Variants in WDR75 observed in about 807,000 individuals in gnomAD.
The protein encoded by WDR75 is WD repeat domain 75.
A neutral mutation model predicts 106.1 loss-of-function variants in WDR75; 52 were observed. The ratio of observed to expected loss-of-function variants is 0.49; its 90% confidence interval spans 0.39 to 0.62. WDR75 has a LOEUF of 0.62. Among genes scored for constraint, WDR75 ranks in the 20% least tolerant of loss-of-function variants. WDR75 has a pLI of 0.00. For missense variants in WDR75, 905 were observed against 970.3 expected, an observed-to-expected ratio of 0.93 and a Z score of 0.89; for synonymous variants, 333 against 335.5, an observed-to-expected ratio of 0.99 and a Z score of 0.08.
intron 20 of WDR75, 63 bp downstream of exon 20, chr2:189,474,871 A>G: frequency 7.5e-7 from 1 of 1,339,332 alleles, no homozygotes; most frequent in Non-Finnish European, 1.1e-6. Context: ...GTTTGTGTTT[A>G]TCCTTTTTTA....
At chr2:189,454,572 A>AGG (rs1686694327) in intron 4 of WDR75, among the ~76,000 whole-genome samples, 4 of 151,152 alleles carry the variant, frequency 2.6e-5, no homozygotes, top group Admixed American at 2.0e-4. Flanking sequence ...CCCAGGCTGG[A>AGG]GTGCAGTGGC....
intron 2 of WDR75, chr2:189,450,103 G>C: frequency 6.3e-6 from 6 of 958,580 alleles, no homozygotes; most frequent in Non-Finnish European, 7.4e-6. Flanking sequence ...TAAGAGTACA[G>C]AATGTGAGTG....
intron 5 of WDR75, 70 bp from the exon 6 acceptor site, chr2:189,457,240 TC>T: frequency 9.4e-7 from 1 of 1,064,856 alleles, no homozygotes; most frequent in South Asian, 1.4e-5. Flanking sequence ...AGACTTTGTC[TC>T]AAAAAAAAAA....
At chr2:189,450,727 A>G (rs2106113987) in intron 2 of WDR75, 176 bp from the exon 3 acceptor site, 1 of 1,405,582 alleles carries the variant, frequency 7.1e-7, no homozygotes, top group Non-Finnish European at 9.1e-7. Flanking sequence ...TGCTTCTTGC[A>G]GAAAGCTGTG....
At chr2:189,456,083 T>C (rs972912932) in intron 5 of WDR75, among the ~76,000 whole-genome samples, 4 of 152,226 alleles carry the variant, frequency 2.6e-5, no homozygotes, top group Non-Finnish European at 5.9e-5. Flanking sequence ...TCTTAAGTTT[T>C]ATAGCATTAT....
At chr2:189,466,099 A>G (rs73978663) in intron 12 of WDR75, among the ~76,000 whole-genome samples, 47 of 152,238 alleles carry the variant, frequency 3.1e-4, no homozygotes, top group African/African-American at 1.1e-3. Flanking sequence ...TGGGTTCTAT[A>G]CAAGTTTCCT....
intron 11 of WDR75, 105 bp from the exon 12 acceptor site, chr2:189,464,974 C>T (rs1458043795): frequency 2.3e-6 from 2 of 872,844 alleles, no homozygotes; most frequent in Non-Finnish European, 1.7e-6. Context: ...CTATACAGTA[C>T]AGAAGTTGTC....
chr2:189,468,352 C>A, intron 14 of WDR75, 123 bp from the exon 15 acceptor site: 2 of 797,960 alleles, frequency 2.5e-6, no homozygotes, highest in South Asian at 1.9e-5. Context: ...TAATTATAAA[C>A]AAAAATATAT....
intron 4 of WDR75, 85 bp downstream of exon 4, chr2:189,451,980 A>G (rs1351836311): frequency 1.0e-5 from 11 of 1,097,040 alleles, no homozygotes; most frequent in Admixed American, 2.2e-5. Flanking sequence ...TTTGGTTTTA[A>G]TCTGAAGCCA....
intron 12 of WDR75, among the ~76,000 whole-genome samples, chr2:189,465,612 T>A (rs868260262): frequency 3.3e-5 from 5 of 152,026 alleles, no homozygotes; most frequent in Admixed American, 6.6e-5. Context: ...TAGCATAGTA[T>A]AATGTAGCAT....
At chr2:189,458,510 AATT>A (rs1686789876) in intron 6 of WDR75, among the ~76,000 whole-genome samples, 1 of 152,176 alleles carries the variant, frequency 6.6e-6, no homozygotes, top group East Asian at 1.9e-4. Flanking sequence ...TCCATAGATA[AATT>A]ATTATGGTAG....
chr2:189,467,366 C>G (rs893747201), intron 13 of WDR75, 102 bp from the exon 14 acceptor site: 149 of 1,273,952 alleles, frequency 1.2e-4, no homozygotes, highest in Non-Finnish European at 1.5e-4. Flanking sequence ...GAACTGAAAC[C>G]ACAGAAAGTG....
rs115130066 is a variant in WDR75, at chr2:189,451,027, T to A, written c.282+59T>A. On this transcript the variant is annotated intron_variant, in intron 3 of 20. Coordinates refer to ENST00000314761, the MANE Select transcript of WDR75 (RefSeq NM_032168.3). ...AATAAAAAAAGGCAATGTAATTTAA[T>A]GGTAGATGTACTGTTTCTATAAGGC... is the stretch of plus-strand genomic sequence containing the variant. The A allele has an allele frequency of 2.9e-3, 4,571 of 1,570,820 alleles. 126 individuals are homozygous for A. In the African/African-American group the frequency reaches 0.057, roughly 20 times the overall value.
intron 2 of WDR75, chr2:189,449,769 A>C (rs1482752697): frequency 1.0e-6 from 1 of 984,418 alleles, no homozygotes; most frequent in Admixed American, 6.1e-5. Flanking sequence ...TTGTGATATA[A>C]ATTTCCTAGT....
intron 13 of WDR75, 66 bp downstream of exon 13, chr2:189,466,648 G>A: frequency 6.7e-7 from 1 of 1,489,202 alleles, no homozygotes; most frequent in Admixed American, 2.1e-5. Context: ...TTTTTCTCAT[G>A]ACTTGTATCC....
At position 189,450,973 on chromosome 2, in the gene WDR75, G is replaced by A. The variant is rs1686608861; in HGVS notation, c.282+5G>A. The A allele has an allele frequency of 1.9e-6, 3 of 1,602,672 alleles. No homozygotes were observed. Among genetic ancestry groups the A allele is most frequent in the Middle Eastern group, 1.7e-4 (1 of 6,028 alleles). On this transcript the variant is annotated splice_donor_5th_base_variant and intron_variant, in intron 3 of 20. Transcript: ENST00000314761. ...ATAGATGGCATCTTAATAAAGGTAT[G>A]TGGATTGATCTTTACTTTTCGTTAT...
At chr2:189,474,091 C>T in intron 18 of WDR75, 95 bp from the exon 19 acceptor site, 1 of 1,331,778 alleles carries the variant, frequency 7.5e-7, no homozygotes, top group Non-Finnish European at 1.0e-6. Context: ...TCCTTTCATC[C>T]CAGACTTTTT....
chr2:189,462,754 A>T (rs1686923021), intron 9 of WDR75, 112 bp downstream of exon 9: 1 of 1,014,822 alleles, frequency 9.9e-7, no homozygotes, highest in African/African-American at 1.6e-5. Context: ...TATGAGATTT[A>T]ATGAGCCTTC....
At chr2:189,461,008 A>G (rs1238337177) in intron 8 of WDR75, among the ~76,000 whole-genome samples, 1 of 152,234 alleles carries the variant, frequency 6.6e-6, no homozygotes, top group Non-Finnish European at 1.5e-5. Flanking sequence ...TGAGGCATAT[A>G]TGAACTATAT....
Sources: allele counts gnomAD v4.1 joint callset (sites outside exome capture counted in the v4.1 genomes callset), GRCh38; gene constraint gnomAD v4.1.1; transcripts MANE v1.5; gene names NCBI Gene and HGNC (gene_info 2026-07-23, HGNC 2026-07-21).